TEC: variants seen among roughly 807,000 people sequenced by gnomAD.
The protein encoded by TEC is tyrosine-protein kinase Tec.
Under a neutral mutation model 93.0 loss-of-function variants are expected in TEC, and 72 were observed. The observed-to-expected ratio is 0.77, with a 90% confidence interval of 0.64 to 0.94. The LOEUF (loss-of-function observed/expected upper bound fraction) is 0.94, where lower values mean the gene tolerates loss of function less well. Among genes scored for constraint, TEC ranks in the 40% least tolerant of loss-of-function variants. TEC has a pLI of 0.00. For missense variants in TEC, 630 were observed against 757.9 expected (o/e 0.83, Z 1.98); for synonymous variants, 249 against 247.7 (o/e 1.01, Z -0.05).
intron 2 of TEC, among the ~76,000 whole-genome samples, chr4:48,204,706 A>T (rs1276752906): frequency 6.6e-6 from 1 of 152,210 alleles, no homozygotes; most frequent in African/African-American, 2.4e-5. Context: ...CATAAGGAGC[A>T]CAAAACCCAG....
chr4:48,209,921 C>T (rs1039611067), intron 2 of TEC, among the ~76,000 whole-genome samples: 2 of 152,154 alleles, frequency 1.3e-5, no homozygotes, highest in African/African-American at 4.8e-5. Context: ...ATTTCACTGT[C>T]AGAGTTTGCA....
chr4:48,185,100 A>G (rs576810263), intron 2 of TEC, among the ~76,000 whole-genome samples: 1 of 152,322 alleles, frequency 6.6e-6, no homozygotes, highest in South Asian at 2.1e-4. Context: ...CAAAAACCCA[A>G]CATCTTCTAG....
intron 14 of TEC, 62 bp from the exon 15 acceptor site, chr4:48,141,481 G>C: frequency 8.7e-6 from 13 of 1,486,302 alleles, no homozygotes; most frequent in Non-Finnish European, 1.1e-5. Flanking sequence ...GTAGGAAAAT[G>C]TAAGTTCTAT....
rs771376138 is a variant in TEC, at chr4:48,167,831, A to G, written c.618T>C (p.Tyr206=). Residue 206 remains tyrosine, a synonymous_variant, in exon 7 of 18, where the codon TAT becomes TAC. Coordinates refer to ENST00000381501, the MANE Select transcript of TEC (RefSeq NM_003215.3). The stretch of plus-strand genomic sequence containing the variant: ...GAACATCATTCTTTTCTAAAATGAG[A>G]TACTCTTGGCCTCTCTCTAATCTGA... ...HDLRLERGQE[Y]LILEKNDVHW... 6.2e-7 allele frequency: 1 copy of G among 1,613,936 alleles called. No homozygotes were observed. The highest frequency in any genetic ancestry group is 1.1e-5 in the South Asian group (1 of 91,070).
intron 2 of TEC, among the ~76,000 whole-genome samples, chr4:48,183,385 G>A (rs758690342): frequency 2.6e-5 from 4 of 152,214 alleles, no homozygotes; most frequent in African/African-American, 9.7e-5. Context: ...CTGGTAAAAC[G>A]TTATTTCCAG....
intron 1 of TEC, among the ~76,000 whole-genome samples, chr4:48,258,906 C>T (rs1037797888): frequency 6.6e-6 from 1 of 152,134 alleles, no homozygotes; most frequent in Admixed American, 6.5e-5. Flanking sequence ...ACTTTCCCTA[C>T]TTCCCTACAC....
rs112135515 is a variant in TEC at position 48,215,488 on chromosome 4, T to A, written c.138+12989A>T. Among the ~76,000 whole-genome samples the A allele has an allele frequency of 2.3e-4, 35 of 152,226 alleles. No individual in the cohort carries two copies. The East Asian group carries it at 6.4e-3, about 28-fold the overall frequency. ...CGCCACTGTACTCCAGTCTGGGCAA[T>A]AGAGTGAGACCCTGTCTCAAAAAAA... On this transcript the variant is annotated intron_variant, in intron 2 of 17. Transcript: ENST00000381501.
chr4:48,196,478 T>C (rs1241873512), intron 2 of TEC, among the ~76,000 whole-genome samples: 1 of 152,244 alleles, frequency 6.6e-6, no homozygotes, highest in African/African-American at 2.4e-5. Flanking sequence ...AGTCAATTCA[T>C]GTAAAGCTTT....
chr4:48,202,685 T>C (rs534660492), intron 2 of TEC, among the ~76,000 whole-genome samples: 1 of 152,386 alleles, frequency 6.6e-6, no homozygotes, highest in East Asian at 1.9e-4. Context: ...ATCATTTCAA[T>C]TGATCCCCAT....
intron 1 of TEC, among the ~76,000 whole-genome samples, chr4:48,237,115 T>C (rs1271650076): frequency 1.3e-5 from 2 of 152,144 alleles, no homozygotes; most frequent in East Asian, 1.9e-4. Flanking sequence ...CAGATCACTT[T>C]AGGCCAGGAG....
chr4:48,140,884 G>A (rs1363022039), intron 15 of TEC, among the ~76,000 whole-genome samples: 1 of 152,148 alleles, frequency 6.6e-6, no homozygotes, highest in Non-Finnish European at 1.5e-5. Context: ...GCAAGGACTT[G>A]TAGGTCTTAT....
chr4:48,177,578 T>C (rs569004677), intron 2 of TEC, among the ~76,000 whole-genome samples: 3 of 152,310 alleles, frequency 2.0e-5, no homozygotes, highest in African/African-American at 7.2e-5. Flanking sequence ...ACCTCCCATC[T>C]GACTAAAGGA....
At chr4:48,239,543 A>C (rs545377686) in intron 1 of TEC, among the ~76,000 whole-genome samples, 7 of 152,346 alleles carry the variant, frequency 4.6e-5, no homozygotes, top group African/African-American at 1.7e-4. Context: ...AGGGCCTTTT[A>C]CTAGGAGAAA....
chr4:48,207,214 G>A (rs550726537), intron 2 of TEC, among the ~76,000 whole-genome samples: 1 of 152,238 alleles, frequency 6.6e-6, no homozygotes, highest in South Asian at 2.1e-4. Flanking sequence ...CAGCAGCAGA[G>A]AACCATGAGG....
chr4:48,156,816 GCTCATCAATAAT>G, intron 8 of TEC, 82 bp from the exon 9 acceptor site: 4 of 1,079,002 alleles, frequency 3.7e-6, no homozygotes, highest in Non-Finnish European at 5.3e-6. Context: ...AAGTAATTCT[GCTCATCAATAAT>G]AAATATAACA....
At chr4:48,184,656 G>A (rs1180713734) in intron 2 of TEC, among the ~76,000 whole-genome samples, 1 of 151,948 alleles carries the variant, frequency 6.6e-6, no homozygotes, top group African/African-American at 2.4e-5. Context: ...TGTTCAGTCT[G>A]TCTGTGTTCT....
chr4:48,145,698 TAA>T, intron 12 of TEC, 119 bp from the exon 13 acceptor site: 4 of 1,094,264 alleles, frequency 3.7e-6, no homozygotes, highest in Non-Finnish European at 5.2e-6. Flanking sequence ...AACACTGTAA[TAA>T]TTCCTGGTAA....
At chr4:48,210,720 C>A (rs1408869750) in intron 2 of TEC, among the ~76,000 whole-genome samples, 5 of 152,158 alleles carry the variant, frequency 3.3e-5, no homozygotes, top group Non-Finnish European at 5.9e-5. Context: ...CCGAGGTATG[C>A]ATTTCCACCA....
intron 1 of TEC, among the ~76,000 whole-genome samples, chr4:48,247,174 T>C (rs566559144): frequency 5.9e-5 from 9 of 152,228 alleles, no homozygotes; most frequent in African/African-American, 2.2e-4. Flanking sequence ...GAAATGCAAA[T>C]TGAAACGACG....
Sources: gnomAD v4.1 joint callset for allele counts (sites outside exome capture counted in the v4.1 genomes callset) on GRCh38, gnomAD v4.1.1 for gene constraint, MANE v1.5 for transcripts, NCBI Gene and HGNC (gene_info 2026-07-23, HGNC 2026-07-21) for gene names.